Variants in AREG observed in about 807,000 individuals in gnomAD.
AREG encodes the protein amphiregulin.
In AREG, 16 loss-of-function variants were observed where a neutral mutation model predicts 28.0. That is an observed-to-expected ratio of 0.57 (90% CI 0.39 to 0.87). The LOEUF (loss-of-function observed/expected upper bound fraction) is 0.87. Among genes scored for constraint, AREG ranks in the 40% least tolerant of loss-of-function variants. The pLI is 0.00. For missense variants in AREG, 287 were observed against 309.1 expected, an observed-to-expected ratio of 0.93 and a Z score of 0.53; for synonymous variants, 113 against 113.5, an observed-to-expected ratio of 1.00 and a Z score of 0.02.
At chr4:74,450,602 T>C (rs1026593323) in intron 4 of AREG, 70 bp downstream of exon 4, 1 of 1,570,780 alleles carries the variant, frequency 6.4e-7, no homozygotes, top group African/African-American at 1.4e-5. Flanking sequence ...ATTTCTCTCA[T>C]ACTCTACTCT....
intron 4 of AREG, among the ~76,000 whole-genome samples, chr4:74,451,815 A>G (rs1719386407): frequency 6.6e-6 from 1 of 152,192 alleles, no homozygotes; most frequent in African/African-American, 2.4e-5. Flanking sequence ...TAATGTTAGC[A>G]CTCTTAAAAT....
In AREG at chr4:74,446,542, G is replaced by C. The variant is rs753945960; in HGVS notation, c.70G>C (p.Ala24Pro). 6 of 1,613,792 alleles carry C rather than the reference G, an allele frequency of 3.7e-6. No individual in the cohort carries two copies. Among genetic ancestry groups the C allele is most frequent in the Non-Finnish European group, 4.2e-6 (5 of 1,179,842 alleles). ...SLLILGSGHYAAGLDLNDTYS... is the reference protein window; with the variant it reads ...SLLILGSGHYPAGLDLNDTYS... Reference sequence around the variant, plus strand: ...TATTCCCTCCCCTGCAGGCCATTATGCTGCTGGATTGGACCTCAATGACAC... The same window carrying C: ...TATTCCCTCCCCTGCAGGCCATTATCCTGCTGGATTGGACCTCAATGACAC... Residue 24 changes from alanine (A) to proline (P), a missense_variant, in exon 2 of 6, where the codon GCT becomes CCT. Transcript: ENST00000395748.
chr4:74,446,514 C>A lies in AREG; in HGVS notation c.62-20C>A, dbSNP rs1287043599. The A allele has an allele frequency of 3.7e-6, 6 of 1,613,802 alleles. No homozygotes were observed. The highest frequency in any genetic ancestry group is 5.1e-6 in the Non-Finnish European group (6 of 1,179,860). On this transcript the variant is annotated intron_variant, in intron 1 of 5. Transcript: ENST00000395748. ...CCCTACTTTACCTTTTCTTTTCTTC[C>A]TTTATTCCCTCCCCTGCAGGCCATT...
At position 74,445,278 on chromosome 4, in the gene AREG, T is replaced by A; in HGVS notation, c.-68T>A. 6.3e-7 allele frequency: 1 copy of A among 1,576,624 alleles called. No individual in the cohort carries two copies. Among genetic ancestry groups the A allele is most frequent in the South Asian group, 1.2e-5 (1 of 86,204 alleles). On this transcript the variant is annotated 5_prime_UTR_variant, in exon 1 of 6. Transcript: ENST00000395748. ...TCGCTCTTCCAACACCCGCTCGTTT[T>A]GGCGGCAGCTCGTGTCCCAGAGACC...
chr4:74,447,411 G>A (rs1363531840), intron 2 of AREG, among the ~76,000 whole-genome samples: 2 of 152,104 alleles, frequency 1.3e-5, no homozygotes, highest in African/African-American at 4.8e-5. Context: ...TTAAAGAAGG[G>A]TGAATATACT....
Position 74,445,351 on chromosome 4 carries a change from A to G in AREG, c.6A>G (p.Arg2=). 1 of 1,610,502 alleles carries G rather than the reference A, an allele frequency of 6.2e-7. No individual in the cohort carries two copies. Among genetic ancestry groups the G allele is most frequent in the Non-Finnish European group, 8.5e-7 (1 of 1,179,398 alleles). The change falls in exon 1 of 6, where the codon AGA becomes AGG. Residue 2 remains arginine (R), a synonymous_variant. Transcript: ENST00000395748. M[R]APLLPPAPVV... is the part of the protein sequence containing the mutation. ...GCCGCCGCTGCGAAGGACCAATGAG[A>G]GCCCCGCTGCTACCGCCGGCGCCGG...
At position 74,450,361 on chromosome 4, in the gene AREG, A is replaced by G. The variant is rs539970747; in HGVS notation, c.513-19A>G. 34 of 1,613,934 alleles carry G rather than the reference A, an allele frequency of 2.1e-5. No homozygotes were observed. The highest frequency in any genetic ancestry group is 2.8e-5 in the Non-Finnish European group (33 of 1,179,830). On this transcript the variant is annotated intron_variant, in intron 3 of 5. Coordinates refer to ENST00000395748, the MANE Select transcript of AREG (RefSeq NM_001657.4). Reference sequence around the variant, plus strand: ...GCACGTTTTTGTGATTATAATTTTTAAATGTGAATTGCTTGCAGATGTCAG... The same window carrying G: ...GCACGTTTTTGTGATTATAATTTTTGAATGTGAATTGCTTGCAGATGTCAG...
chr4:74,452,405 G>T (rs1302327674), intron 4 of AREG, 139 bp from the exon 5 acceptor site: 4 of 921,678 alleles, frequency 4.3e-6, no homozygotes, highest in Non-Finnish European at 6.8e-6. Flanking sequence ...TTATAGCCAG[G>T]TTTAGGTTTA....
At chr4:74,449,392 G>C in intron 3 of AREG, 144 bp downstream of exon 3, 1 of 1,403,806 alleles carries the variant, frequency 7.1e-7, no homozygotes. Context: ...AAATATTATA[G>C]GCTTAGTGGG....
chr4:74,448,886 AG>A (rs1719334714), intron 2 of AREG, 160 bp from the exon 3 acceptor site: 1 of 999,858 alleles, frequency 1.0e-6, no homozygotes, highest in Admixed American at 3.3e-5. Flanking sequence ...ATTATAAATT[AG>A]GGTTATGCAG....
chr4:74,449,082 G>A lies in AREG; in HGVS notation c.346G>A (p.Glu116Lys). ...QVVKPPQNKT[E>K]SENTSDKPKR... ...AGTTAAGCCCCCCCAAAACAAGACG[G>A]AAAGTGAAAATACTTCAGATAAACC... The change falls in exon 3 of 6, where the codon GAA becomes AAA. Residue 116 changes from glutamate to lysine, a missense_variant. Transcript: ENST00000395748. 2 of 1,610,302 alleles carry A rather than the reference G, an allele frequency of 1.2e-6. No homozygotes were observed. The highest frequency in any genetic ancestry group is 3.4e-5 in the Admixed American group (2 of 59,308).
Position 74,446,589 on chromosome 4 carries a change from A to C in AREG, c.117A>C (p.Pro39=). ...ACACCTACTCTGGGAAGCGTGAACC[A>C]TTTTCTGGGGACCACAGTGCTGATG... ...LNDTYSGKRE[P]FSGDHSADGF... The change falls in exon 2 of 6, where the codon CCA becomes CCC. Residue 39 remains proline (P), a synonymous_variant. Coordinates refer to ENST00000395748, the MANE Select transcript of AREG (RefSeq NM_001657.4). 1 of 1,613,794 alleles carries C rather than the reference A, an allele frequency of 6.2e-7. No homozygotes were observed. The highest frequency in any genetic ancestry group is 8.5e-7 in the Non-Finnish European group (1 of 1,179,836).
intron 5 of AREG, 136 bp downstream of exon 5, chr4:74,452,791 T>C: frequency 1.3e-6 from 1 of 768,876 alleles, no homozygotes; most frequent in Non-Finnish European, 2.1e-6. Context: ...TAAAGTATTA[T>C]TCTTTGAGTA....
chr4:74,449,378 T>C, intron 3 of AREG, 130 bp downstream of exon 3: 4 of 1,487,144 alleles, frequency 2.7e-6, no homozygotes, highest in Middle Eastern at 2.2e-4. Context: ...AAGCACCAGA[T>C]AGTAAATATT....
At chr4:74,449,555 G>C (rs1443015369) in intron 3 of AREG, among the ~76,000 whole-genome samples, 1 of 152,178 alleles carries the variant, frequency 6.6e-6, no homozygotes, top group Non-Finnish European at 1.5e-5. Context: ...AGACCAGCCT[G>C]GGCAACATGG....
rs1472825184 is a variant in AREG at position 74,449,070 on chromosome 4, C to A, written c.334C>A (p.Gln112Lys). The change falls in exon 3 of 6, where the codon CAA becomes AAA. Residue 112 changes from glutamine to lysine, a missense_variant. Transcript: ENST00000395748. ...AGTTGAACAGGTAGTTAAGCCCCCCCAAAACAAGACGGAAAGTGAAAATAC... is the reference window on the plus strand; with the variant it reads ...AGTTGAACAGGTAGTTAAGCCCCCCAAAAACAAGACGGAAAGTGAAAATAC... ...VRVEQVVKPP[Q>K]NKTESENTSD... 1 of 1,609,092 alleles carries A rather than the reference C, an allele frequency of 6.2e-7. No homozygotes were observed. The highest frequency in any genetic ancestry group is 1.7e-4 in the Middle Eastern group (1 of 6,056).
At chr4:74,452,444 C>T in intron 4 of AREG, 100 bp from the exon 5 acceptor site, 4 of 1,359,172 alleles carry the variant, frequency 2.9e-6, no homozygotes, top group Non-Finnish European at 4.2e-6. Flanking sequence ...GCTGGTCTAT[C>T]ACTACTCATG....
chr4:74,452,914 G>GAA (rs11410511), intron 5 of AREG, among the ~76,000 whole-genome samples: 53 of 151,822 alleles, frequency 3.5e-4, no homozygotes, highest in Non-Finnish European at 6.5e-4. Context: ...TAGTAGATAG[G>GAA]AAAAAAATGT....
At chr4:74,452,434 G>C in intron 4 of AREG, 110 bp from the exon 5 acceptor site, 2 of 1,244,936 alleles carry the variant, frequency 1.6e-6, no homozygotes, top group Non-Finnish European at 2.3e-6. Flanking sequence ...TATAGTGATT[G>C]CTGGTCTATC....
Sources: gnomAD v4.1 joint callset for allele counts (sites outside exome capture counted in the v4.1 genomes callset) on GRCh38, gnomAD v4.1.1 for gene constraint, MANE v1.5 for transcripts, NCBI Gene and HGNC (gene_info 2026-07-23, HGNC 2026-07-21) for gene names.